The following TMEM254 variants were observed in gnomAD, a reference collection of about 807,000 sequenced individuals.
TMEM254 encodes transmembrane protein C10orf57.
A neutral mutation model predicts 13.9 loss-of-function variants in TMEM254; 16 were observed. The observed-to-expected ratio is 1.15, with a 90% CI of 0.78 to 1.75. The LOEUF (loss-of-function observed/expected upper bound fraction) is 1.75, where lower values mean the gene tolerates loss of function less well. Among genes scored for constraint, TMEM254 ranks in the 40% most tolerant of loss-of-function variants. The probability of loss-of-function intolerance (pLI) is 0.00; values close to 1 mark genes in which losing one functional copy is unlikely to be tolerated. For missense variants in TMEM254, 155 were observed against 149.0 expected, an observed-to-expected ratio of 1.04 and a Z score of -0.21; for synonymous variants, 61 against 56.4, an observed-to-expected ratio of 1.08 and a Z score of -0.36.
At chr10:80,088,846 C>T (rs1397539302) in intron 3 of TMEM254, among the ~76,000 whole-genome samples, 2 of 151,730 alleles carry the variant, frequency 1.3e-5, no homozygotes, top group African/African-American at 2.4e-5. Context: ...GATCCACCTG[C>T]GTCGGTCTCC....
At chr10:80,086,422 C>T (rs1844315949) in intron 3 of TMEM254, 5 of 399,510 alleles carry the variant, frequency 1.3e-5, no homozygotes, top group Non-Finnish European at 2.3e-5. Flanking sequence ...TACTAAATAT[C>T]ATACACATTT....
intron 1 of TMEM254, chr10:80,079,603 C>T (rs1221745300): frequency 9.1e-6 from 9 of 987,360 alleles, no homozygotes; most frequent in Non-Finnish European, 9.6e-6. Flanking sequence ...GGTGTGGAAG[C>T]AAGAAGAAAG....
chr10:80,079,190 G>A, intron 1 of TMEM254: 1 of 1,293,392 alleles, frequency 7.7e-7, no homozygotes, highest in African/African-American at 1.5e-5. Flanking sequence ...TCGCGGTGAG[G>A]CGTGGGGTGG....
At chr10:80,082,608 C>T (rs890995010) in intron 3 of TMEM254, among the ~76,000 whole-genome samples, 9 of 152,184 alleles carry the variant, frequency 5.9e-5, no homozygotes, top group African/African-American at 2.2e-4. Flanking sequence ...AAAATACACA[C>T]GTCTGGTTTC....
Position 80,082,828 on chromosome 10 carries a change from G to A in TMEM254, c.251+624G>A, listed in dbSNP as rs189187306. On this transcript the variant is annotated intron_variant, in intron 3 of 3. Coordinates refer to ENST00000372281, the MANE Select transcript of TMEM254 (RefSeq NM_025125.4). ...TATATAAGCATATACAGAAAGTATG[G>A]TACAATGAAAAACATGGTTATGGAA... Among the ~76,000 whole-genome samples, 208 of 152,222 alleles carry A rather than the reference G, an allele frequency of 1.4e-3. 2 individuals are homozygous for A. Among genetic ancestry groups the A allele is most frequent in the Non-Finnish European group, 2.6e-3 (176 of 68,014 alleles).
intron 3 of TMEM254, among the ~76,000 whole-genome samples, chr10:80,084,970 C>T (rs1188757615): frequency 1.3e-5 from 2 of 151,942 alleles, no homozygotes; most frequent in Non-Finnish European, 2.9e-5. Flanking sequence ...AGATTACAGG[C>T]GCCCGCCACC....
chr10:80,091,104 G>A lies in TMEM254; in HGVS notation c.*187G>A. 4 of 588,254 alleles carry A rather than the reference G, an allele frequency of 6.8e-6. No individual in the cohort carries two copies. The South Asian group carries it at 1.2e-4, about 18-fold the overall frequency. 36.4% of individuals were successfully genotyped at this position (588,254 alleles called of 1,614,324 possible). ...GCTCTGGTTGAGCTTGAATAGACCAGTTGTTACTTAAGAAAGAAACAGAGA... is the reference window on the plus strand; with the variant it reads ...GCTCTGGTTGAGCTTGAATAGACCAATTGTTACTTAAGAAAGAAACAGAGA... On this transcript the variant is annotated 3_prime_UTR_variant, in exon 4 of 4. Transcript: ENST00000372281.
chr10:80,091,543 G>C lies in TMEM254; in HGVS notation c.*626G>C, dbSNP rs980333763. On this transcript the variant is annotated 3_prime_UTR_variant, in exon 4 of 4. Coordinates refer to ENST00000372281, the MANE Select transcript of TMEM254 (RefSeq NM_025125.4). ...ACGCTGAGAACCTGGAGGGGAGACTGCAGAGTGCCTTCCCTGATGCTGCAG... is the reference window on the plus strand; with the variant it reads ...ACGCTGAGAACCTGGAGGGGAGACTCCAGAGTGCCTTCCCTGATGCTGCAG... The C allele has an allele frequency of 2.0e-5, 3 of 152,482 alleles. No homozygotes were observed. The highest frequency in any genetic ancestry group is 7.2e-5 in the African/African-American group (3 of 41,462). The allele number at this position is 152,482 out of a possible 1,614,324, so 9.4% of individuals were successfully genotyped here.
Position 80,091,162 on chromosome 10 carries a change from G to C in TMEM254, c.*245G>C. 1 of 376,562 alleles carries C rather than the reference G, an allele frequency of 2.7e-6. No homozygotes were observed. Among genetic ancestry groups the C allele is most frequent in the Non-Finnish European group, 4.7e-6 (1 of 211,782 alleles). 23.3% of individuals were successfully genotyped at this position (376,562 alleles called of 1,614,324 possible). ...TAGCTTTTCAATCCTATTTGGCAGA[G>C]GACTTCAGCTACCTTCTTACAGTCT... On this transcript the variant is annotated 3_prime_UTR_variant, in exon 4 of 4. Transcript: ENST00000372281.
At position 80,078,934 on chromosome 10, in the gene TMEM254, A is replaced by G. The variant is rs1589375647; in HGVS notation, c.87+148A>G. 4.6e-6 allele frequency: 7 copies of G among 1,524,068 alleles called. No individual in the cohort carries two copies. In the African/African-American group the frequency reaches 9.7e-5, roughly 21 times the overall value. The allele number at this position is 1,524,068 out of a possible 1,614,324, so 94.4% of individuals were successfully genotyped here. A position where few individuals can be genotyped will look rare whatever the true frequency, so the allele number is the denominator to read the frequency against. On this transcript the variant is annotated intron_variant, in intron 1 of 3. Transcript: ENST00000372281. Reference sequence around the variant, plus strand: ...CGCTAGGAGCGGAGGGGAGGGGACCAGACTCCGCAATGAGAGCAAGCATAC... The same window carrying G: ...CGCTAGGAGCGGAGGGGAGGGGACCGGACTCCGCAATGAGAGCAAGCATAC...
chr10:80,079,197 G>T lies in TMEM254; in HGVS notation c.87+411G>T, dbSNP rs373315924. 6.0e-5 allele frequency: 78 copies of T among 1,291,446 alleles called. No individual in the cohort carries two copies. The East Asian group carries it at 3.1e-3, about 51-fold the overall frequency. The allele number at this position is 1,291,446 out of a possible 1,614,324, so 80.0% of individuals were successfully genotyped here. A position where few individuals can be genotyped will look rare whatever the true frequency, so the allele number is the denominator to read the frequency against. On this transcript the variant is annotated intron_variant, in intron 1 of 3. Coordinates refer to ENST00000372281, the MANE Select transcript of TMEM254 (RefSeq NM_025125.4). Reference sequence around the variant, plus strand: ...GGGCTACTTCGCGGTGAGGCGTGGGGTGGGGCGGGGCGGGCCTCTGTTTTG... The same window carrying T: ...GGGCTACTTCGCGGTGAGGCGTGGGTTGGGGCGGGGCGGGCCTCTGTTTTG...
At chr10:80,079,122 T>G in intron 1 of TMEM254, 1 of 1,344,330 alleles carries the variant, frequency 7.4e-7, no homozygotes, top group Non-Finnish European at 9.8e-7. Context: ...GGCTACCGCC[T>G]ATTTCCGTCC....
At chr10:80,078,812 G>A in intron 1 of TMEM254, 26 bp downstream of exon 1, 1 of 1,579,482 alleles carries the variant, frequency 6.3e-7, no homozygotes, top group Admixed American at 1.8e-5. Context: ...GGAGCGCTAC[G>A]GTCTGACGAA....
rs894697056 is a variant in TMEM254, at chr10:80,079,142, C to A, written c.87+356C>A. 4 of 1,307,522 alleles carry A rather than the reference C, an allele frequency of 3.1e-6. No homozygotes were observed. The African/African-American group carries it at 6.1e-5, about 20-fold the overall frequency. 81.0% of individuals were successfully genotyped at this position (1,307,522 alleles called of 1,614,324 possible). ...CCGCCTATTTCCGTCCAGCAAGACCCTTGCCCTCTCTGGTCACAGTCCTGG... is the reference window on the plus strand; with the variant it reads ...CCGCCTATTTCCGTCCAGCAAGACCATTGCCCTCTCTGGTCACAGTCCTGG... On this transcript the variant is annotated intron_variant, in intron 1 of 3. Transcript: ENST00000372281.
chr10:80,090,675 AAAAT>A (rs1391394831), intron 3 of TMEM254, 118 bp from the exon 4 acceptor site: 4 of 916,146 alleles, frequency 4.4e-6, no homozygotes, highest in Admixed American at 2.9e-5. Flanking sequence ...GAAAAGCAGC[AAAAT>A]AAACCCAATG....
intron 1 of TMEM254, chr10:80,079,405 A>C: frequency 9.2e-7 from 1 of 1,082,380 alleles, no homozygotes; most frequent in Non-Finnish European, 1.1e-6. Flanking sequence ...GGGTTATCCG[A>C]GCCTAAGCCT....
chr10:80,078,856 C>T (rs1298038982), intron 1 of TMEM254, 70 bp downstream of exon 1: 2 of 1,538,702 alleles, frequency 1.3e-6, no homozygotes, highest in Admixed American at 2.0e-5. Context: ...AGGACCTGGG[C>T]TCACAGGCCG....
rs1280224858 is a variant in TMEM254, at chr10:80,092,236, C to G, written c.*1319C>G. The stretch of plus-strand genomic sequence containing the variant: ...AAGCAAACATTTATGGGAAACAACC[C>G]GCTCCCGAAAACGGAGCCCCCAAGT... On this transcript the variant is annotated 3_prime_UTR_variant, in exon 4 of 4. Transcript: ENST00000372281. 1 of 152,108 alleles carries G rather than the reference C, an allele frequency of 6.6e-6. No individual in the cohort carries two copies. Among genetic ancestry groups the G allele is most frequent in the Non-Finnish European group, 1.5e-5 (1 of 68,024 alleles). 9.4% of individuals were successfully genotyped at this position (152,108 alleles called of 1,614,324 possible).
chr10:80,085,375 C>T (rs1198439191), intron 3 of TMEM254, among the ~76,000 whole-genome samples: 2 of 151,558 alleles, frequency 1.3e-5, no homozygotes, highest in Non-Finnish European at 2.9e-5. Context: ...GCGTGCCCAA[C>T]ATGGTTGAAA....
Sources: allele counts gnomAD v4.1 joint callset (sites outside exome capture counted in the v4.1 genomes callset), GRCh38; gene constraint gnomAD v4.1.1; transcripts MANE v1.5; gene names NCBI Gene and HGNC (gene_info 2026-07-23, HGNC 2026-07-21).